The following SNTG2 variants were observed in gnomAD, a reference collection of about 807,000 sequenced individuals.
The protein encoded by SNTG2 is syntrophin gamma 2, also known as gamma-2-syntrophin.
Under a neutral mutation model 70.9 loss-of-function variants are expected in SNTG2, and 74 were observed. The observed-to-expected ratio is 1.04, with a 90% confidence interval of 0.86 to 1.27. The LOEUF is 1.27. Ranked by LOEUF, SNTG2 falls within the 50% of genes most tolerant of loss-of-function variation. SNTG2 has a pLI of 0.00. For missense variants in SNTG2, 717 were observed against 690.7 expected (o/e 1.04, Z -0.43); for synonymous variants, 278 against 273.8 (o/e 1.02, Z -0.15).
At chr2:1,169,309 G>A (rs1201517258) in intron 7 of SNTG2, among the ~76,000 whole-genome samples, 1 of 152,092 alleles carries the variant, frequency 6.6e-6, no homozygotes, top group Non-Finnish European at 1.5e-5. Flanking sequence ...GGGGGTGGGA[G>A]GCAGAGGACA....
At chr2:1,040,321 C>A (rs1384183643) in intron 1 of SNTG2, among the ~76,000 whole-genome samples, 1 of 152,202 alleles carries the variant, frequency 6.6e-6, no homozygotes, top group African/African-American at 2.4e-5. Flanking sequence ...AGTTTGAGAA[C>A]CCCTTCTCTG....
intron 6 of SNTG2, among the ~76,000 whole-genome samples, chr2:1,151,743 T>C (rs905383465): frequency 7.2e-5 from 11 of 152,214 alleles, no homozygotes; most frequent in Non-Finnish European, 1.5e-5. Context: ...GTTACTTTCA[T>C]GAACCTGGTG....
intron 9 of SNTG2, among the ~76,000 whole-genome samples, chr2:1,218,919 G>C (rs541704229): frequency 6.6e-6 from 1 of 152,286 alleles, no homozygotes; most frequent in Non-Finnish European, 1.5e-5. Flanking sequence ...AAATAAAACT[G>C]TACGTTTAAA....
intron 1 of SNTG2, among the ~76,000 whole-genome samples, chr2:1,080,043 G>A (rs1190649290): frequency 1.3e-5 from 2 of 152,162 alleles, no homozygotes; most frequent in Non-Finnish European, 1.5e-5. Context: ...CTCCTTATTA[G>A]TGCCGCCCCT....
chr2:1,044,154 A>C (rs902683351), intron 1 of SNTG2, among the ~76,000 whole-genome samples: 3 of 151,660 alleles, frequency 2.0e-5, no homozygotes, highest in African/African-American at 7.3e-5. Flanking sequence ...GGTTAGCTGT[A>C]TTCCTAGGTA....
chr2:970,269 T>C (rs766306348), intron 1 of SNTG2, among the ~76,000 whole-genome samples: 3 of 152,204 alleles, frequency 2.0e-5, no homozygotes, highest in Non-Finnish European at 2.9e-5. Flanking sequence ...TGTTAATATT[T>C]GAGGATTTTT....
chr2:1,144,445 C>G (rs1169290517), intron 6 of SNTG2, among the ~76,000 whole-genome samples: 1 of 152,160 alleles, frequency 6.6e-6, no homozygotes, highest in Non-Finnish European at 1.5e-5. Context: ...TTCACCAAGA[C>G]AGACCACATT....
At chr2:1,061,493 G>A (rs929622290) in intron 1 of SNTG2, among the ~76,000 whole-genome samples, 1 of 152,188 alleles carries the variant, frequency 6.6e-6, no homozygotes, top group Non-Finnish European at 1.5e-5. Flanking sequence ...AAAAGGGCAG[G>A]CATGCTTATT....
intron 1 of SNTG2, among the ~76,000 whole-genome samples, chr2:1,018,262 T>C (rs1659973519): frequency 6.6e-6 from 1 of 152,138 alleles, no homozygotes; most frequent in Non-Finnish European, 1.5e-5. Flanking sequence ...AAGGGAAACA[T>C]CATCTTGCAG....
intron 11 of SNTG2, 99 bp downstream of exon 11, chr2:1,239,875 T>G: frequency 7.0e-7 from 1 of 1,436,722 alleles, no homozygotes; most frequent in Non-Finnish European, 9.6e-7. Context: ...GTCTCTGGTT[T>G]TTTGAAATTT....
At position 1,183,468 on chromosome 2, in the gene SNTG2, A is replaced by C. The variant is rs187422775; in HGVS notation, c.591+10285A>C. On this transcript the variant is annotated intron_variant, in intron 8 of 16. Coordinates refer to ENST00000308624, the MANE Select transcript of SNTG2 (RefSeq NM_018968.4). ...CAGGTTGTATCAACTGACCACCAGC[A>C]GGGTGAGGTGTGAGAATTCCAGTTT... Among the ~76,000 whole-genome samples the C allele has an allele frequency of 2.4e-4, 37 of 152,334 alleles. No individual in the cohort carries two copies. In the East Asian group the frequency reaches 7.0e-3, roughly 29 times the overall value.
chr2:1,284,475 T>A (rs909830639), intron 14 of SNTG2, among the ~76,000 whole-genome samples: 1 of 151,816 alleles, frequency 6.6e-6, no homozygotes, highest in Non-Finnish European at 1.5e-5. Context: ...AACCCCAGAG[T>A]CTCCAACGTA....
chr2:1,035,638 C>A (rs796431219), intron 1 of SNTG2, among the ~76,000 whole-genome samples: 34 of 152,254 alleles, frequency 2.2e-4, no homozygotes, highest in African/African-American at 8.2e-4. Flanking sequence ...GTTCATTTCA[C>A]CAGTGTTTAG....
chr2:1,110,845 G>A (rs1176284296), intron 4 of SNTG2, among the ~76,000 whole-genome samples: 1 of 152,224 alleles, frequency 6.6e-6, no homozygotes, highest in Non-Finnish European at 1.5e-5. Context: ...TTCTTCTGGA[G>A]CTCTATAAAT....
At chr2:1,320,031 G>A (rs1251645457) in intron 16 of SNTG2, among the ~76,000 whole-genome samples, 1 of 152,164 alleles carries the variant, frequency 6.6e-6, no homozygotes, top group Non-Finnish European at 1.5e-5. Flanking sequence ...AATATTCCTA[G>A]TAAGTTGATT....
intron 8 of SNTG2, among the ~76,000 whole-genome samples, chr2:1,198,785 C>T (rs112816068): frequency 4.0e-5 from 6 of 151,814 alleles, no homozygotes; most frequent in African/African-American, 9.7e-5. Context: ...AAAACAGAGA[C>T]AATAGATAAA....
chr2:1,307,990 G>A (rs1680786106), intron 14 of SNTG2, among the ~76,000 whole-genome samples: 1 of 152,198 alleles, frequency 6.6e-6, no homozygotes, highest in Non-Finnish European at 1.5e-5. Context: ...GTTTTTGGTG[G>A]TATCCCTGCA....
intron 9 of SNTG2, among the ~76,000 whole-genome samples, chr2:1,228,496 T>TG (rs1675955134): frequency 6.6e-6 from 1 of 152,226 alleles, no homozygotes; most frequent in Non-Finnish European, 1.5e-5. Flanking sequence ...GGGCCTGCTC[T>TG]GGGCTTCCTT....
intron 7 of SNTG2, among the ~76,000 whole-genome samples, chr2:1,170,381 C>T (rs1400837952): frequency 6.6e-6 from 1 of 152,122 alleles, no homozygotes; most frequent in Non-Finnish European, 1.5e-5. Context: ...TTAGTCAGCC[C>T]GGACTCTCCC....
Sources: gnomAD v4.1 joint callset for allele counts (sites outside exome capture counted in the v4.1 genomes callset) on GRCh38, gnomAD v4.1.1 for gene constraint, MANE v1.5 for transcripts, NCBI Gene and HGNC (gene_info 2026-07-23, HGNC 2026-07-21) for gene names.